The following DGLUCY variants were observed in gnomAD, a reference collection of about 807,000 sequenced individuals.
DGLUCY encodes D-glutamate cyclase, mitochondrial.
DGLUCY carries 58 observed loss-of-function variants against 58.5 expected under a neutral mutation model. The ratio of observed to expected loss-of-function variants is 0.99; its 90% confidence interval spans 0.80 to 1.23. The LOEUF is 1.23. Among genes scored for constraint, DGLUCY ranks in the 50% most tolerant of loss-of-function variants. The pLI, the probability that DGLUCY is intolerant of heterozygous loss-of-function variation, is 0.00. For missense variants in DGLUCY, 779 were observed against 784.7 expected (o/e 0.99, Z 0.09); for synonymous variants, 325 against 314.1 (o/e 1.03, Z -0.37).
chr14:91,221,485 AATGG>A (rs765614928), intron 13 of DGLUCY, among the ~76,000 whole-genome samples: 1 of 149,916 alleles, frequency 6.7e-6, no homozygotes, highest in African/African-American at 2.5e-5. Flanking sequence ...ATGCGTGGAT[AATGG>A]ATGGATGCAT....
intron 1 of DGLUCY, among the ~76,000 whole-genome samples, chr14:91,102,970 A>G (rs938894964): frequency 6.6e-6 from 1 of 151,700 alleles, no homozygotes; most frequent in Non-Finnish European, 1.5e-5. Context: ...CCATGTTGGC[A>G]AGGCTGGTCT....
rs542954795 is a variant in DGLUCY, at chr14:91,078,679, G to A, written c.-82+17975G>A. Among the ~76,000 whole-genome samples the A allele has an allele frequency of 1.6e-3, 249 of 152,222 alleles. 1 individual carries two copies. The highest frequency in any genetic ancestry group is 2.9e-3 in the Non-Finnish European group (194 of 68,018). The stretch of plus-strand genomic sequence containing the variant: ...TGGTAGCCCTAAATAAGCAAGAACT[G>A]TGCCACATTGAAGTTTTGGGGTTTT... On this transcript the variant is annotated intron_variant, in intron 1 of 4. Transcript: ENST00000521334.
At chr14:91,224,659 C>A (rs1887966982) in intron 13 of DGLUCY, 25 bp from the exon 14 acceptor site, 1 of 1,573,914 alleles carries the variant, frequency 6.4e-7, no homozygotes. Flanking sequence ...TCCACTCCTT[C>A]TATTTCTGCC....
In DGLUCY at chr14:91,170,062, C is replaced by T. The variant is rs760714755; in HGVS notation, c.317C>T (p.Ser106Leu). The T allele has an allele frequency of 3.0e-5, 49 of 1,612,332 alleles. No individual in the cohort carries two copies. Among genetic ancestry groups the T allele is most frequent in the Non-Finnish European group, 3.4e-5 (40 of 1,180,040 alleles). ...EFGACTGSLA[S>L]LEQYSEQLKD... ...GGTGCCTGCACCGGCAGCCTGGCTTCGCTGGAGCAGTACTCGGAGCAGCTG... is the reference window on the plus strand; with the variant it reads ...GGTGCCTGCACCGGCAGCCTGGCTTTGCTGGAGCAGTACTCGGAGCAGCTG... Residue 106 changes from serine to leucine, a missense_variant, in exon 5 of 14, where the codon TCG becomes TTG. Physicochemically the swap from Ser to Leu is moderately radical, Grantham distance 145. Coordinates refer to ENST00000256324, the MANE Select transcript of DGLUCY (RefSeq NM_001102368.3).
chr14:91,157,261 G>A (rs1429354346), intron 1 of DGLUCY, among the ~76,000 whole-genome samples: 2 of 85,670 alleles, frequency 2.3e-5, no homozygotes, highest in Non-Finnish European at 4.7e-5. Flanking sequence ...ATGGATGAAT[G>A]AATGGGTGGA....
At chr14:91,153,050 G>A (rs570142602) in intron 1 of DGLUCY, among the ~76,000 whole-genome samples, 18 of 152,220 alleles carry the variant, frequency 1.2e-4, no homozygotes, top group African/African-American at 3.9e-4. Flanking sequence ...TGACCTCCCC[G>A]GACCGTAAAT....
chr14:91,215,611 A>G, intron 13 of DGLUCY, 55 bp downstream of exon 13: 1 of 1,609,754 alleles, frequency 6.2e-7, no homozygotes, highest in East Asian at 2.2e-5. Flanking sequence ...CTGGATGAGC[A>G]GCAGGCCTGA....
rs1297951689 is a variant in DGLUCY, at chr14:91,170,215, C to G, written c.456+14C>G. ...GGTGCATACAAGGTAGGGACACAGCCCACAGCCCACAAGGGCAGAATGGCC... is the reference window on the plus strand; with the variant it reads ...GGTGCATACAAGGTAGGGACACAGCGCACAGCCCACAAGGGCAGAATGGCC... On this transcript the variant is annotated intron_variant, in intron 5 of 13. Coordinates refer to ENST00000256324, the MANE Select transcript of DGLUCY (RefSeq NM_001102368.3). 6.2e-7 allele frequency: 1 copy of G among 1,610,074 alleles called. No individual in the cohort carries two copies. The highest frequency in any genetic ancestry group is 8.5e-7 in the Non-Finnish European group (1 of 1,177,852).
chr14:91,198,028 A>T (rs2050322626), intron 10 of DGLUCY, among the ~76,000 whole-genome samples: 1 of 152,180 alleles, frequency 6.6e-6, no homozygotes, highest in Non-Finnish European at 1.5e-5. Context: ...ATTGAGAGAG[A>T]TGTAAAAGTA....
upstream of DGLUCY, among the ~76,000 whole-genome samples, chr14:91,106,314 C>A (rs572897064): frequency 2.0e-5 from 3 of 150,922 alleles, no homozygotes; most frequent in East Asian, 2.0e-4. Context: ...TTCCCTACCC[C>A]CCCCCAAAAA....
chr14:91,217,780 G>A (rs138434997), intron 13 of DGLUCY, among the ~76,000 whole-genome samples: 121 of 152,076 alleles, frequency 8.0e-4, no homozygotes, highest in Middle Eastern at 3.4e-3. Context: ...GAGCCACCAC[G>A]CCCGGCCTCT....
intron 9 of DGLUCY, among the ~76,000 whole-genome samples, chr14:91,194,862 G>T (rs1012139096): frequency 1.3e-5 from 2 of 152,088 alleles, no homozygotes; most frequent in Non-Finnish European, 2.9e-5. Context: ...TAAGATTTCT[G>T]ACAATGATTC....
chr14:91,205,839 C>CTTTTTTTTTTTT (rs1344853744), intron 12 of DGLUCY, among the ~76,000 whole-genome samples: 1 of 79,764 alleles, frequency 1.3e-5, no homozygotes, highest in Non-Finnish European at 2.4e-5. Flanking sequence ...CTTTCTTCTT[C>CTTTTTTTTTTTT]TTCTTTTTTT....
chr14:91,184,637 G>A (rs866207863), intron 8 of DGLUCY, among the ~76,000 whole-genome samples: 1 of 110,394 alleles, frequency 9.1e-6, no homozygotes, highest in Non-Finnish European at 1.8e-5. Flanking sequence ...GGAAGGAAGG[G>A]AGGGAGGGAG....
intron 7 of DGLUCY, 24 bp downstream of exon 7, chr14:91,176,080 A>G (rs2048837193): frequency 1.9e-6 from 3 of 1,612,916 alleles, no homozygotes; most frequent in African/African-American, 1.3e-5. Flanking sequence ...TAATGGGACA[A>G]TCGATCTGCC....
At chr14:91,081,617 A>G (rs763861648) in intron 1 of DGLUCY, among the ~76,000 whole-genome samples, 40 of 152,134 alleles carry the variant, frequency 2.6e-4, no homozygotes, top group Non-Finnish European at 5.4e-4. Context: ...GCTCTAGGGG[A>G]GACTGCTTCC....
chr14:91,177,769 A>G (rs1419502241), intron 7 of DGLUCY, among the ~76,000 whole-genome samples: 1 of 152,230 alleles, frequency 6.6e-6, no homozygotes, highest in East Asian at 1.9e-4. Context: ...TAATGTGGTG[A>G]TGAGGCGTGG....
upstream of DGLUCY, among the ~76,000 whole-genome samples, chr14:91,112,078 TAA>T (rs577578257): frequency 4.3e-5 from 6 of 137,988 alleles, no homozygotes; most frequent in Non-Finnish European, 4.7e-5. Context: ...TCTCTACTAC[TAA>T]AAAAAAAAAA....
chr14:91,143,546 C>T (rs888138497), intron 1 of DGLUCY, among the ~76,000 whole-genome samples: 6 of 152,196 alleles, frequency 3.9e-5, no homozygotes, highest in African/African-American at 9.6e-5. Context: ...TTTCTCCACA[C>T]GCTCTGCCTT....
Sources: gnomAD v4.1 joint callset for allele counts (sites outside exome capture counted in the v4.1 genomes callset) on GRCh38, gnomAD v4.1.1 for gene constraint, MANE v1.5 for transcripts, NCBI Gene and HGNC (gene_info 2026-07-23, HGNC 2026-07-21) for gene names.